The following TSHZ2 variants were observed in gnomAD, a reference collection of about 807,000 sequenced individuals.
The protein encoded by TSHZ2 is teashirt homolog 2.
In TSHZ2, 21 loss-of-function variants were observed where a neutral mutation model predicts 74.4. The ratio of observed to expected loss-of-function variants is 0.28; its 90% CI spans 0.20 to 0.41. The LOEUF (loss-of-function observed/expected upper bound fraction) is 0.41. TSHZ2 is among the 10% of genes least tolerant of loss of function. TSHZ2 has a pLI of 1.00. For synonymous variants in TSHZ2, 540 were observed against 515.3 expected (o/e 1.05, Z -0.65); for missense variants, 1,244 against 1,293.5 (o/e 0.96, Z 0.59).
chr20:53,103,423 A>G (rs1366242460), intron 1 of TSHZ2, among the ~76,000 whole-genome samples: 1 of 152,206 alleles, frequency 6.6e-6, no homozygotes, highest in Non-Finnish European at 1.5e-5. Flanking sequence ...ACTACCTAAT[A>G]CATATGTGTG....
chr20:53,233,839 A>G lies in TSHZ2; in HGVS notation c.41-19660A>G, dbSNP rs140401609. 9.9e-4 allele frequency among the ~76,000 whole-genome samples: 151 copies of G among 152,346 alleles called. 1 individual carries two copies. Among genetic ancestry groups the G allele is most frequent in the African/African-American group, 3.5e-3 (144 of 41,582 alleles). ...TCAGACTCCCTATATCCTGGAACCA[A>G]GGATTCCAGCCTCATAGGACCAGAG... On this transcript the variant is annotated intron_variant, in intron 1 of 2. Transcript: ENST00000371497.
rs574445930 is a variant in TSHZ2, at chr20:53,282,336, A to G, written c.*8+25765A>G. On this transcript the variant is annotated intron_variant, in intron 2 of 2. Transcript: ENST00000371497. Reference sequence around the variant, plus strand: ...CAAATATACAGGAATCACGTTTTTGAAAGTGATCAGAGAAGCCTGGCCTCT... The same window carrying G: ...CAAATATACAGGAATCACGTTTTTGGAAGTGATCAGAGAAGCCTGGCCTCT... Among the ~76,000 whole-genome samples the G allele has an allele frequency of 5.3e-5, 8 of 152,350 alleles. No homozygotes were observed. In the South Asian group the frequency reaches 1.7e-3, roughly 32 times the overall value.
intron 1 of TSHZ2, among the ~76,000 whole-genome samples, chr20:53,130,942 A>G (rs1052441605): frequency 6.6e-6 from 1 of 152,246 alleles, no homozygotes; most frequent in Non-Finnish European, 1.5e-5. Flanking sequence ...AAATGAGTGA[A>G]ATGCTATTTC....
At chr20:53,454,846 G>A (rs1984986242) in intron 2 of TSHZ2, among the ~76,000 whole-genome samples, 1 of 152,104 alleles carries the variant, frequency 6.6e-6, no homozygotes, top group Non-Finnish European at 1.5e-5. Flanking sequence ...CTCAGGCCTT[G>A]CAGACAGTAT....
At chr20:53,307,179 G>A (rs1383584491) in intron 2 of TSHZ2, among the ~76,000 whole-genome samples, 2 of 151,810 alleles carry the variant, frequency 1.3e-5, no homozygotes, top group African/African-American at 4.9e-5. Flanking sequence ...GCAACGCAAT[G>A]CCACCTGTTA....
At position 53,179,758 on chromosome 20, in the gene TSHZ2, G is replaced by T. The variant is rs188476939; in HGVS notation, c.41-73741G>T. ...TGTAGAGCCTTTGGCATACCCACACGTGTATTTTATAAAATTTAAGTTCAA... is the reference window on the plus strand; with the variant it reads ...TGTAGAGCCTTTGGCATACCCACACTTGTATTTTATAAAATTTAAGTTCAA... On this transcript the variant is annotated intron_variant, in intron 1 of 2. Transcript: ENST00000371497. 2.0e-3 allele frequency among the ~76,000 whole-genome samples: 307 copies of T among 152,262 alleles called. 2 individuals carry two copies. Among genetic ancestry groups the T allele is most frequent in the Middle Eastern group, 6.8e-3 (2 of 294 alleles).
At chr20:53,359,895 A>G (rs900398960) in intron 2 of TSHZ2, among the ~76,000 whole-genome samples, 1 of 152,258 alleles carries the variant, frequency 6.6e-6, no homozygotes, top group African/African-American at 2.4e-5. Flanking sequence ...CAGTCTTATT[A>G]GTGCATTGGT....
intron 2 of TSHZ2, among the ~76,000 whole-genome samples, chr20:53,483,116 G>C (rs1986201433): frequency 6.6e-6 from 1 of 151,978 alleles, no homozygotes; most frequent in South Asian, 2.1e-4. Flanking sequence ...AAAAGACATA[G>C]TTATCTGAAA....
intron 1 of TSHZ2, among the ~76,000 whole-genome samples, chr20:53,200,378 G>T (rs1246219989): frequency 6.6e-6 from 1 of 152,210 alleles, no homozygotes; most frequent in Non-Finnish European, 1.5e-5. Flanking sequence ...TGCCAGTAAG[G>T]CTGAGCACAG....
At chr20:53,277,565 T>A (rs1301905344) in intron 2 of TSHZ2, among the ~76,000 whole-genome samples, 1 of 152,212 alleles carries the variant, frequency 6.6e-6, no homozygotes, top group African/African-American at 2.4e-5. Flanking sequence ...ACTTTGTTTT[T>A]CTCCACCTTT....
chr20:53,401,795 T>C (rs1982673892), intron 2 of TSHZ2, among the ~76,000 whole-genome samples: 1 of 147,572 alleles, frequency 6.8e-6, no homozygotes, highest in Non-Finnish European at 1.5e-5. Flanking sequence ...TTTTTTTTTT[T>C]TTCTTCAGAC....
chr20:52,991,728 G>A (rs1257338177), intron 1 of TSHZ2, among the ~76,000 whole-genome samples: 1 of 146,612 alleles, frequency 6.8e-6, no homozygotes, highest in Non-Finnish European at 1.5e-5. Context: ...TGTGTTGGGG[G>A]CAGAGAGTGT....
chr20:53,338,076 T>C (rs916747421), intron 2 of TSHZ2, among the ~76,000 whole-genome samples: 1 of 152,282 alleles, frequency 6.6e-6, no homozygotes, highest in African/African-American at 2.4e-5. Flanking sequence ...GGACACACCA[T>C]AGTGTGTCCA....
chr20:53,058,924 T>G (rs1159879643), intron 1 of TSHZ2, among the ~76,000 whole-genome samples: 2 of 152,218 alleles, frequency 1.3e-5, no homozygotes, highest in Non-Finnish European at 2.9e-5. Flanking sequence ...TGCATTTAAA[T>G]CTGTATACAA....
chr20:53,139,259 T>G (rs1451905029), intron 1 of TSHZ2, among the ~76,000 whole-genome samples: 1 of 152,240 alleles, frequency 6.6e-6, no homozygotes, highest in East Asian at 1.9e-4. Flanking sequence ...TTTTGTTCAT[T>G]GCAGTATCAC....
chr20:53,415,113 AGAC>A (rs1158186648), intron 2 of TSHZ2, among the ~76,000 whole-genome samples: 1 of 152,200 alleles, frequency 6.6e-6, no homozygotes, highest in Non-Finnish European at 1.5e-5. Context: ...CAAATTAAGA[AGAC>A]AACACCTAGA....
chr20:53,486,886 G>A (rs952581791), intron 2 of TSHZ2, among the ~76,000 whole-genome samples: 2 of 151,986 alleles, frequency 1.3e-5, no homozygotes, highest in African/African-American at 4.8e-5. Flanking sequence ...TCTGTTGTTC[G>A]CATGTTTACA....
Position 53,340,177 on chromosome 20 carries a change from C to CTTTTTTTTTTTTTTTTTTTTTTTTTT in TSHZ2, c.*8+83612_*8+83613insTTTTTTTTTTTTTTTTTTTTTTTTTT, listed in dbSNP as rs74177489. ...GGATAAAACAAGGTGACTTTTCTTT[C>CTTTTTTTTTTTTTTTTTTTTTTTTTT]TTTTTTCTTTTTTTTTTTTTTTTGA... On this transcript the variant is annotated intron_variant, in intron 2 of 2. Transcript: ENST00000371497. Among the ~76,000 whole-genome samples the CTTTTTTTTTTTTTTTTTTTTTTTTTT allele has an allele frequency of 4.3e-5, 4 of 94,080 alleles. 2 individuals are homozygous for CTTTTTTTTTTTTTTTTTTTTTTTTTT. Among genetic ancestry groups the CTTTTTTTTTTTTTTTTTTTTTTTTTT allele is most frequent in the Non-Finnish European group, 3.9e-5 (2 of 50,642 alleles). 61.7% of individuals were successfully genotyped at this position (94,080 alleles called of 152,430 possible). A position where few individuals can be genotyped will look rare whatever the true frequency, so the allele number is the denominator to read the frequency against.
chr20:53,476,504 G>A (rs1242391619), intron 2 of TSHZ2, among the ~76,000 whole-genome samples: 1,692 of 151,324 alleles, frequency 0.011, 29 homozygotes, highest in African/African-American at 0.037. Flanking sequence ...TTGATGGGAC[G>A]TATTTCAAAA....
Sources: gnomAD v4.1 joint callset for allele counts (sites outside exome capture counted in the v4.1 genomes callset) on GRCh38, gnomAD v4.1.1 for gene constraint, MANE v1.5 for transcripts, NCBI Gene and HGNC (gene_info 2026-07-23, HGNC 2026-07-21) for gene names.